MYH14: variants seen among roughly 807,000 people sequenced by gnomAD.
MYH14 encodes the protein myosin heavy chain 14, also known as myosin-14.
MYH14 carries 123 observed loss-of-function variants against 255.5 expected under a neutral mutation model. The observed-to-expected ratio is 0.48, with a 90% CI of 0.42 to 0.56. MYH14 has a LOEUF of 0.56. Among genes scored for constraint, MYH14 ranks in the 20% least tolerant of loss-of-function variants. The pLI, the probability that MYH14 is intolerant of heterozygous loss-of-function variation, is 0.00. For synonymous variants in MYH14, 1,095 were observed against 1,161.2 expected (o/e 0.94, Z 1.16); for missense variants, 2,423 against 2,802.3 (o/e 0.86, Z 3.06).
At chr19:50,305,554 G>T (rs1030187246) in intron 40 of MYH14, among the ~76,000 whole-genome samples, 4 of 152,082 alleles carry the variant, frequency 2.6e-5, no homozygotes, top group African/African-American at 9.7e-5. Context: ...TATGGGAACT[G>T]TAGCTTGAGG....
At chr19:50,213,190 C>T (rs1369974991) in intron 2 of MYH14, among the ~76,000 whole-genome samples, 17 of 152,290 alleles carry the variant, frequency 1.1e-4, no homozygotes, top group Non-Finnish European at 1.9e-4. Context: ...CTCAAGTGAT[C>T]TGCCCAACTC....
chr19:50,277,265 T>C (rs1311189214), intron 29 of MYH14, among the ~76,000 whole-genome samples: 3 of 151,896 alleles, frequency 2.0e-5, no homozygotes, highest in Non-Finnish European at 4.4e-5. Context: ...GCGGGTGAGT[T>C]TTTAAGTAGA....
At chr19:50,232,113 C>T (rs753352583) in intron 10 of MYH14, 43 bp downstream of exon 10, 40 of 1,602,488 alleles carry the variant, frequency 2.5e-5, no homozygotes, top group Non-Finnish European at 3.1e-5. Flanking sequence ...GGGAACCCCA[C>T]GGAGAGCTGG....
chr19:50,219,600 T>C (rs909887544), intron 3 of MYH14, among the ~76,000 whole-genome samples: 4 of 152,140 alleles, frequency 2.6e-5, no homozygotes, highest in Admixed American at 1.3e-4. Context: ...TTATTCAACA[T>C]TTATCGTTGA....
chr19:50,292,657 A>G (rs947675635), intron 37 of MYH14, among the ~76,000 whole-genome samples: 6 of 152,102 alleles, frequency 3.9e-5, no homozygotes, highest in Non-Finnish European at 8.8e-5. Context: ...GCCTAAGAGC[A>G]GGGATTTTGT....
At chr19:50,298,957 G>T (rs1408461958) in intron 39 of MYH14, among the ~76,000 whole-genome samples, 2 of 152,016 alleles carry the variant, frequency 1.3e-5, no homozygotes, top group Admixed American at 6.6e-5. Context: ...AGGGCATGAT[G>T]GTGTGCACCT....
chr19:50,208,997 A>G (rs887828029), intron 1 of MYH14, among the ~76,000 whole-genome samples: 3 of 152,048 alleles, frequency 2.0e-5, no homozygotes, highest in Non-Finnish European at 4.4e-5. Context: ...TACAAAACAA[A>G]TTTAAAAATT....
Position 50,293,548 on chromosome 19 carries a change from C to G in MYH14, c.5346-16C>G. The G allele has an allele frequency of 6.2e-7, 1 of 1,612,254 alleles. No individual in the cohort carries two copies. Among genetic ancestry groups the G allele is most frequent in the Non-Finnish European group, 8.5e-7 (1 of 1,179,280 alleles). On this transcript the variant is annotated splice_polypyrimidine_tract_variant and intron_variant, in intron 38 of 42. Coordinates refer to ENST00000642316, the MANE Select transcript of MYH14 (RefSeq NM_001145809.2). The surrounding 1 kb of genome is among the most constrained non-coding windows in gnomAD (Gnocchi z 4.1). ...CCATCCTGTCCTTTCATCCCCACGCCTTCCTGTCTCCCTAGGGCAGCCATT... is the reference window on the plus strand; with the variant it reads ...CCATCCTGTCCTTTCATCCCCACGCGTTCCTGTCTCCCTAGGGCAGCCATT...
chr19:50,272,456 G>T, intron 26 of MYH14, 104 bp from the exon 27 acceptor site: 2 of 1,214,424 alleles, frequency 1.6e-6, no homozygotes, highest in Admixed American at 4.0e-5. Context: ...TAAGGGAGGT[G>T]CTGAGCTTAG....
chr19:50,263,867 G>A (rs2034980635), intron 22 of MYH14, among the ~76,000 whole-genome samples: 1 of 151,908 alleles, frequency 6.6e-6, no homozygotes, highest in East Asian at 1.9e-4. Flanking sequence ...GACCAGCCTG[G>A]CCAATATGGG....
intron 1 of MYH14, among the ~76,000 whole-genome samples, chr19:50,207,141 C>G (rs893690339): frequency 6.7e-6 from 1 of 148,534 alleles, no homozygotes; most frequent in Non-Finnish European, 1.5e-5. Context: ...GAGAGGATCA[C>G]TTGAACACAG....
In MYH14 at chr19:50,293,252, G is replaced by A. The variant is rs1291084442; in HGVS notation, c.5276G>A (p.Arg1759His). The A allele has an allele frequency of 4.4e-6, 7 of 1,608,176 alleles. No homozygotes were observed. Among genetic ancestry groups the A allele is most frequent in the Admixed American group, 3.4e-5 (2 of 59,160 alleles). Residue 1759 changes from arginine (R) to histidine (H), a missense_variant, in exon 38 of 43, where the codon CGT becomes CAT. Arg to His is a conservative substitution (Grantham distance 29). Around this residue, in one of 3 missense-constraint regions of MYH14, gnomAD observed 1,513 missense variants for 1,674.8 expected, o/e 0.90. Transcript: ENST00000642316. This position sits in a 1 kb window ranked among gnomAD's most constrained non-coding sequence, Gnocchi z 4.1. ...RLQEELAASD[R>H]ARRQAQQDRD... is the part of the protein sequence containing the mutation. ...TCACAGGAACTGGCCGCCTCGGACC[G>A]TGCTCGGCGGCAGGCCCAGCAGGAC...
chr19:50,213,106 C>T (rs893586582), intron 2 of MYH14, among the ~76,000 whole-genome samples: 7 of 152,160 alleles, frequency 4.6e-5, no homozygotes, highest in African/African-American at 1.2e-4. Flanking sequence ...GCGCCTGCCA[C>T]CAGGCCCAGC....
chr19:50,224,054 C>G (rs990548471), intron 5 of MYH14, 100 bp from the exon 6 acceptor site: 107 of 887,410 alleles, frequency 1.2e-4, no homozygotes, highest in Non-Finnish European at 1.8e-4. Flanking sequence ...CTTCCCCCAC[C>G]CCCCATGCCA....
chr19:50,225,451 G>A (rs901781112), intron 6 of MYH14, 134 bp from the exon 7 acceptor site: 11 of 636,390 alleles, frequency 1.7e-5, no homozygotes, highest in African/African-American at 1.1e-4. Context: ...TATGGGAAGT[G>A]GGTACACGCC....
rs1041422929 is a variant in MYH14 at position 50,274,704 on chromosome 19, G to A, written c.3468-1287G>A. 2.0e-5 allele frequency among the ~76,000 whole-genome samples: 3 copies of A among 152,304 alleles called. No individual in the cohort carries two copies. The East Asian group carries it at 5.8e-4, about 29-fold the overall frequency. ...AGCACTCTGAGAGTAGGAGGCAGGAGGGTCGCCTGAGCCCAGGAATTCAAG... is the reference window on the plus strand; with the variant it reads ...AGCACTCTGAGAGTAGGAGGCAGGAAGGTCGCCTGAGCCCAGGAATTCAAG... On this transcript the variant is annotated intron_variant, in intron 27 of 42. Coordinates refer to ENST00000642316, the MANE Select transcript of MYH14 (RefSeq NM_001145809.2).
chr19:50,307,735 C>A (rs2123493756), intron 41 of MYH14, among the ~76,000 whole-genome samples: 1 of 152,266 alleles, frequency 6.6e-6, no homozygotes, highest in Non-Finnish European at 1.5e-5. Flanking sequence ...CCTCACTAGT[C>A]CCATTTCACA....
intron 10 of MYH14, among the ~76,000 whole-genome samples, chr19:50,241,850 C>T (rs1036359033): frequency 2.0e-5 from 3 of 152,080 alleles, no homozygotes; most frequent in African/African-American, 7.2e-5. Context: ...CACTATGTTG[C>T]CCAAGCTGAT....
At chr19:50,277,049 C>A in intron 29 of MYH14, 148 bp downstream of exon 29, 1 of 645,144 alleles carries the variant, frequency 1.6e-6, no homozygotes, top group Non-Finnish European at 2.7e-6. Context: ...TTTCATTCAG[C>A]AAGCATTAAT....
Sources: allele counts gnomAD v4.1 joint callset (sites outside exome capture counted in the v4.1 genomes callset), GRCh38; gene constraint gnomAD v4.1.1; regional missense constraint gnomAD v4.1.1; non-coding constraint Gnocchi (gnomAD v3.1); transcripts MANE v1.5; gene names NCBI Gene and HGNC (gene_info 2026-07-23, HGNC 2026-07-21).